Variants in ANXA2 observed in about 807,000 individuals in gnomAD.
ANXA2 encodes the protein annexin A2.
In ANXA2, 28 loss-of-function variants were observed where a neutral mutation model predicts 47.3. The ratio of observed to expected loss-of-function variants is 0.59; its 90% CI spans 0.44 to 0.81. ANXA2 has a LOEUF of 0.81. Among genes scored for constraint, ANXA2 ranks in the 40% least tolerant of loss-of-function variants. The pLI is 0.00. For missense variants in ANXA2, 384 were observed against 414.3 expected (o/e 0.93, Z 0.64); for synonymous variants, 172 against 155.5 (o/e 1.11, Z -0.79).
intron 1 of ANXA2, among the ~76,000 whole-genome samples, chr15:60,389,766 T>C (rs1167565951): frequency 6.6e-6 from 1 of 152,194 alleles, no homozygotes; most frequent in Admixed American, 6.5e-5. Context: ...AACAGTTCCC[T>C]CTGTTTACTC....
rs747858903 is a variant in ANXA2 at position 60,354,224 on chromosome 15, A to T, written c.529-11T>A. On this transcript the variant is annotated splice_polypyrimidine_tract_variant and intron_variant, in intron 7 of 12. Coordinates refer to ENST00000451270, the MANE Select transcript of ANXA2 (RefSeq NM_004039.3). ...CTCTGCTCTTCTACCCTATGGGGGAAAGAAAAAGAACTTCAAATACATTTC... is the reference window on the plus strand; with the variant it reads ...CTCTGCTCTTCTACCCTATGGGGGATAGAAAAAGAACTTCAAATACATTTC... The T allele has an allele frequency of 7.5e-6, 12 of 1,602,806 alleles. No individual in the cohort carries two copies. Among genetic ancestry groups the T allele is most frequent in the Middle Eastern group, 1.7e-4 (1 of 6,008 alleles).
chr15:60,358,798 T>A (rs1309326894), intron 5 of ANXA2, among the ~76,000 whole-genome samples: 1 of 152,204 alleles, frequency 6.6e-6, no homozygotes, highest in East Asian at 1.9e-4. Flanking sequence ...AGAAATATAG[T>A]CTAAAAATAA....
chr15:60,357,684 C>A (rs1209075093), intron 5 of ANXA2, among the ~76,000 whole-genome samples: 2 of 151,766 alleles, frequency 1.3e-5, no homozygotes, highest in Admixed American at 6.6e-5. Flanking sequence ...TCCCAGCTAC[C>A]CTGGGAGGCT....
chr15:60,374,357 G>A, intron 3 of ANXA2: 1 of 428,074 alleles, frequency 2.3e-6, no homozygotes, highest in Non-Finnish European at 4.6e-6. Flanking sequence ...TGCAAGCCCT[G>A]TATTGTGCTC....
intron 3 of ANXA2, among the ~76,000 whole-genome samples, chr15:60,378,353 T>C (rs1192401041): frequency 1.3e-5 from 2 of 152,200 alleles, no homozygotes; most frequent in East Asian, 3.8e-4. Context: ...ACAAACTTTA[T>C]TTTTCCTATC....
intron 3 of ANXA2, among the ~76,000 whole-genome samples, chr15:60,376,402 C>A (rs1036384416): frequency 6.6e-6 from 1 of 151,214 alleles, no homozygotes; most frequent in African/African-American, 2.4e-5. Flanking sequence ...AAGAAGACGA[C>A]GACGACAGAT....
At chr15:60,384,308 C>A (rs1205969120) in intron 2 of ANXA2, 3 of 152,310 alleles carry the variant, frequency 2.0e-5, no homozygotes, top group Non-Finnish European at 4.4e-5. Flanking sequence ...GATATGTCGT[C>A]TTGTTCCAAA....
At chr15:60,357,110 G>C in intron 6 of ANXA2, 36 bp downstream of exon 6, 2 of 1,587,754 alleles carry the variant, frequency 1.3e-6, no homozygotes, top group Non-Finnish European at 8.6e-7. Flanking sequence ...CATAAATTGG[G>C]CTGAGAGGAT....
chr15:60,397,959 G>T lies in ANXA2; in HGVS notation c.-28C>A, dbSNP rs530938351. ...CCCGCTTACCTGGGCCGTGCGCCGAGAGCTGAGAGCGTCCCCAAATGCTGA... is the reference window on the plus strand; with the variant it reads ...CCCGCTTACCTGGGCCGTGCGCCGATAGCTGAGAGCGTCCCCAAATGCTGA... On this transcript the variant is annotated 5_prime_UTR_variant, in exon 1 of 13. Coordinates refer to ENST00000451270, the MANE Select transcript of ANXA2 (RefSeq NM_004039.3). The T allele has an allele frequency of 9.2e-5, 117 of 1,271,636 alleles. No homozygotes were observed. In the African/African-American group the frequency reaches 1.6e-3, roughly 18 times the overall value. 78.8% of individuals were successfully genotyped at this position (1,271,636 alleles called of 1,614,324 possible).
At chr15:60,372,492 C>G (rs1281561231) in intron 3 of ANXA2, among the ~76,000 whole-genome samples, 1 of 152,098 alleles carries the variant, frequency 6.6e-6, no homozygotes, top group Non-Finnish European at 1.5e-5. Flanking sequence ...TGCTGGAGCA[C>G]TATCTCACAG....
At chr15:60,359,482 T>G (rs866493729) in intron 5 of ANXA2, among the ~76,000 whole-genome samples, 2 of 152,208 alleles carry the variant, frequency 1.3e-5, no homozygotes, top group African/African-American at 4.8e-5. Context: ...ATTTTATCAT[T>G]CTTAATGACG....
chr15:60,351,611 A>G, intron 10 of ANXA2, 113 bp downstream of exon 10: 2 of 741,754 alleles, frequency 2.7e-6, no homozygotes, highest in South Asian at 3.3e-5. Flanking sequence ...AAACTATCCA[A>G]AGCATGCATA....
intron 12 of ANXA2, among the ~76,000 whole-genome samples, chr15:60,348,840 C>A (rs1265404511): frequency 6.6e-6 from 1 of 152,012 alleles, no homozygotes; most frequent in Admixed American, 6.6e-5. Context: ...CACCGATGAT[C>A]ATTGTAGAGT....
intron 7 of ANXA2, chr15:60,355,708 A>G: frequency 1.6e-6 from 1 of 616,112 alleles, no homozygotes; most frequent in Non-Finnish European, 3.0e-6. Context: ...TGGCTCCCAA[A>G]GTCCACTTGT....
At position 60,376,458 on chromosome 15, in the gene ANXA2, G is replaced by A. The variant is rs185320605; in HGVS notation, c.148+5884C>T. On this transcript the variant is annotated intron_variant, in intron 3 of 12. Transcript: ENST00000451270. The stretch of plus-strand genomic sequence containing the variant: ...AGGGGTGACAAGAGTTAGGGGAAGG[G>A]GTGAATAAGAGCTGCCTCCCAAGCA... Among the ~76,000 whole-genome samples the A allele has an allele frequency of 2.0e-3, 310 of 152,188 alleles. 1 individual carries two copies. The highest frequency in any genetic ancestry group is 7.1e-3 in the African/African-American group (296 of 41,524).
At position 60,387,903 on chromosome 15, in the gene ANXA2, C is replaced by T. The variant is rs562778328; in HGVS notation, c.-11-1817G>A. On this transcript the variant is annotated intron_variant, in intron 1 of 12. Transcript: ENST00000451270. Reference sequence around the variant, plus strand: ...CCTAAAACTTTCCTAAAAATGAAGACAATCGGCCGGGTGCGGTGGCTCACA... The same window carrying T: ...CCTAAAACTTTCCTAAAAATGAAGATAATCGGCCGGGTGCGGTGGCTCACA... 6.6e-5 allele frequency among the ~76,000 whole-genome samples: 10 copies of T among 152,214 alleles called. No homozygotes were observed. The South Asian group carries it at 2.1e-3, about 32-fold the overall frequency.
chr15:60,380,602 C>T (rs768802760), intron 3 of ANXA2, among the ~76,000 whole-genome samples: 3 of 151,158 alleles, frequency 2.0e-5, no homozygotes, highest in South Asian at 2.1e-4. Context: ...TGAGGGAGTT[C>T]GAGACCAGGC....
intron 3 of ANXA2, among the ~76,000 whole-genome samples, chr15:60,380,960 C>T (rs1051563545): frequency 1.3e-5 from 2 of 152,052 alleles, no homozygotes; most frequent in Non-Finnish European, 2.9e-5. Flanking sequence ...AATAAATCCT[C>T]ACATCTTGTT....
rs2062501869 is a variant in ANXA2 at position 60,360,856 on chromosome 15, G to A, written c.357+85C>T. 5.6e-6 allele frequency: 5 copies of A among 892,446 alleles called. No individual in the cohort carries two copies. The South Asian group carries it at 7.5e-5, about 13-fold the overall frequency. 55.3% of individuals were successfully genotyped at this position (892,446 alleles called of 1,614,324 possible). On this transcript the variant is annotated intron_variant, in intron 5 of 12. Transcript: ENST00000451270. ...TTCCAAATGAGAATTCAACAAAACT[G>A]AAAATCACCAAATTACACTCAGAAA... is the stretch of plus-strand genomic sequence containing the variant.
Sources: gnomAD v4.1 joint callset for allele counts (sites outside exome capture counted in the v4.1 genomes callset) on GRCh38, gnomAD v4.1.1 for gene constraint, MANE v1.5 for transcripts, NCBI Gene and HGNC (gene_info 2026-07-23, HGNC 2026-07-21) for gene names.